The following PON2 variants were observed in gnomAD, a reference collection of about 807,000 sequenced individuals.
PON2 encodes the protein paraoxonase 2, also known as serum paraoxonase/arylesterase 2.
PON2 carries 27 observed loss-of-function variants against 36.6 expected under a neutral mutation model. The ratio of observed to expected loss-of-function variants is 0.74; its 90% confidence interval spans 0.54 to 1.02. The LOEUF (loss-of-function observed/expected upper bound fraction) is 1.02. PON2 is among the 50% of genes least tolerant of loss of function. PON2 has a pLI of 0.00. For missense variants in PON2, 363 were observed against 421.1 expected (o/e 0.86, Z 1.21); for synonymous variants, 149 against 156.3 (o/e 0.95, Z 0.35).
intron 3 of PON2, among the ~76,000 whole-genome samples, chr7:95,414,899 C>G (rs1276858453): frequency 6.6e-6 from 1 of 152,184 alleles, no homozygotes; most frequent in African/African-American, 2.4e-5. Flanking sequence ...CTAAAGCCCA[C>G]AGTATCTCTT....
At chr7:95,425,420 A>G (rs762491457) in intron 1 of PON2, among the ~76,000 whole-genome samples, 3 of 152,186 alleles carry the variant, frequency 2.0e-5, no homozygotes, top group Admixed American at 6.5e-5. Flanking sequence ...GTTTGGGACA[A>G]TATCTGTGGG....
At chr7:95,424,815 T>G (rs1789277900) in intron 1 of PON2, among the ~76,000 whole-genome samples, 1 of 147,970 alleles carries the variant, frequency 6.8e-6, no homozygotes, top group Non-Finnish European at 1.5e-5. Flanking sequence ...TGTGGGTTAT[T>G]AAAAAAAAAA....
At chr7:95,406,375 A>G in intron 7 of PON2, 128 bp from the exon 8 acceptor site, 1 of 1,010,992 alleles carries the variant, frequency 9.9e-7, no homozygotes, top group East Asian at 2.6e-5. Flanking sequence ...TTCTAACACC[A>G]ATATTGCTTA....
At chr7:95,425,316 A>G (rs1264274392) in intron 1 of PON2, among the ~76,000 whole-genome samples, 1 of 152,128 alleles carries the variant, frequency 6.6e-6, no homozygotes, top group Non-Finnish European at 1.5e-5. Flanking sequence ...GCTGTTGTAT[A>G]CCCAGAAAAT....
rs199722698 is a variant in PON2, at chr7:95,405,326, C to T, written c.*4G>A. 90 of 1,612,664 alleles carry T rather than the reference C, an allele frequency of 5.6e-5. No homozygotes were observed. Among genetic ancestry groups the T allele is most frequent in the Non-Finnish European group, 7.0e-5 (83 of 1,178,958 alleles). On this transcript the variant is annotated 3_prime_UTR_variant, in exon 9 of 9. Coordinates refer to ENST00000222572, the MANE Select transcript of PON2 (RefSeq NM_000305.3). ...TTATCGCACTTTCATGCCAAAAGTA[C>T]AATTTAGAGTTCACAATACAAGGCT...
intron 2 of PON2, among the ~76,000 whole-genome samples, chr7:95,417,896 T>G (rs2116480057): frequency 6.6e-6 from 1 of 152,328 alleles, no homozygotes; most frequent in South Asian, 2.1e-4. Flanking sequence ...GATAGGATTA[T>G]GAATGATTTT....
chr7:95,432,202 G>T (rs1451356842), intron 1 of PON2, among the ~76,000 whole-genome samples: 2 of 152,214 alleles, frequency 1.3e-5, no homozygotes, highest in Non-Finnish European at 2.9e-5. Context: ...TTGAGGCTGG[G>T]AGTTTGAGAT....
At position 95,407,047 on chromosome 7, in the gene PON2, T is replaced by G. The variant is rs2116450314; in HGVS notation, c.717A>C (p.Ile239=). 1 of 1,597,094 alleles carries G rather than the reference T, an allele frequency of 6.3e-7. No homozygotes were observed. The highest frequency in any genetic ancestry group is 1.1e-5 in the South Asian group (1 of 90,614). The part of the protein sequence containing the change: ...PDDKYIYVAD[I]LAHEIHVLEK... Reference sequence around the variant, plus strand: ...CCAAAACATGAATTTCATGAGCCAATATGTCAGCAACATAGATATACCTTT... The same window carrying G: ...CCAAAACATGAATTTCATGAGCCAAGATGTCAGCAACATAGATATACCTTT... Residue 239 remains isoleucine, a synonymous_variant, in exon 7 of 9, where the codon ATA becomes ATC. Coordinates refer to ENST00000222572, the MANE Select transcript of PON2 (RefSeq NM_000305.3).
intron 1 of PON2, among the ~76,000 whole-genome samples, chr7:95,428,343 C>A (rs1267697952): frequency 3.3e-5 from 5 of 152,176 alleles, no homozygotes; most frequent in Non-Finnish European, 2.9e-5. Flanking sequence ...CAAGTGACCC[C>A]TATGGAGTCC....
intron 1 of PON2, among the ~76,000 whole-genome samples, chr7:95,432,015 C>T (rs543262052): frequency 1.1e-4 from 17 of 152,102 alleles, no homozygotes; most frequent in Middle Eastern, 3.5e-3. Context: ...AACATTCTCA[C>T]GTCAGCCCAT....
intron 3 of PON2, among the ~76,000 whole-genome samples, chr7:95,415,675 G>C (rs1172760179): frequency 6.6e-6 from 1 of 152,156 alleles, no homozygotes; most frequent in Non-Finnish European, 1.5e-5. Context: ...AGATTGCGCT[G>C]GGCGTGGTGG....
At chr7:95,431,911 A>G (rs1336924256) in intron 1 of PON2, among the ~76,000 whole-genome samples, 3 of 95,220 alleles carry the variant, frequency 3.2e-5, no homozygotes, top group Non-Finnish European at 6.2e-5. Context: ...TCATGCTTAT[A>G]CTAAAAAAAA....
chr7:95,405,824 C>G (rs917350698), intron 8 of PON2, among the ~76,000 whole-genome samples: 5 of 152,100 alleles, frequency 3.3e-5, no homozygotes, highest in Non-Finnish European at 7.4e-5. Flanking sequence ...GACAATAAAT[C>G]AGATATTTTA....
intron 1 of PON2, among the ~76,000 whole-genome samples, chr7:95,427,290 TCTGGGTGGCAGAC>T (rs542371559): frequency 6.6e-6 from 1 of 152,332 alleles, no homozygotes; most frequent in Non-Finnish European, 1.5e-5. Context: ...ACTTCTGTTT[TCTGGGTGGCAGAC>T]CCTAGCGGCT....
intron 2 of PON2, chr7:95,424,190 G>T (rs928643713): frequency 2.2e-5 from 8 of 360,554 alleles, no homozygotes; most frequent in African/African-American, 1.5e-4. Flanking sequence ...TGACCACAAG[G>T]CTCACAGAAC....
chr7:95,429,103 A>T (rs911312436), intron 1 of PON2, among the ~76,000 whole-genome samples: 1 of 151,796 alleles, frequency 6.6e-6, no homozygotes, highest in African/African-American at 2.4e-5. Flanking sequence ...TTACATATGT[A>T]TACATGTGCC....
At chr7:95,407,200 A>C in intron 6 of PON2, 132 bp from the exon 7 acceptor site, 1 of 578,286 alleles carries the variant, frequency 1.7e-6, no homozygotes, top group Non-Finnish European at 3.1e-6. Flanking sequence ...TGCTTGATAA[A>C]GGTCAATTTT....
intron 1 of PON2, among the ~76,000 whole-genome samples, chr7:95,426,162 G>A (rs1789311237): frequency 6.6e-6 from 1 of 152,108 alleles, no homozygotes; most frequent in Non-Finnish European, 1.5e-5. Context: ...CTACCTGGGT[G>A]ATGGCATCAG....
chr7:95,406,353 C>G, intron 7 of PON2, 106 bp from the exon 8 acceptor site: 1 of 1,218,586 alleles, frequency 8.2e-7, no homozygotes, highest in Non-Finnish European at 1.2e-6. Flanking sequence ...TACACATCGC[C>G]CTGCTTCCAC....
Sources: allele counts gnomAD v4.1 joint callset (sites outside exome capture counted in the v4.1 genomes callset), GRCh38; gene constraint gnomAD v4.1.1; transcripts MANE v1.5; gene names NCBI Gene and HGNC (gene_info 2026-07-23, HGNC 2026-07-21).